ASAP2: variants seen among roughly 807,000 people sequenced by gnomAD.
The protein encoded by ASAP2 is ArfGAP with SH3 domain, ankyrin repeat and PH domain 2.
A neutral mutation model predicts 131.4 loss-of-function variants in ASAP2; 45 were observed. That is an observed-to-expected ratio of 0.34 (90% CI 0.27 to 0.44). The LOEUF is 0.44. Among genes scored for constraint, ASAP2 ranks in the 20% least tolerant of loss-of-function variants. The pLI, the probability that ASAP2 is intolerant of heterozygous loss-of-function variation, is 1.00. For missense variants in ASAP2, 1,011 were observed against 1,297.0 expected (o/e 0.78, Z 3.39); for synonymous variants, 510 against 503.0 (o/e 1.01, Z -0.19).
intron 20 of ASAP2, 72 bp from the exon 21 acceptor site, chr2:9,385,173 C>T (rs1675172528): frequency 8.2e-7 from 1 of 1,216,632 alleles, no homozygotes; most frequent in Non-Finnish European, 1.2e-6. Context: ...CTCCTGCCTG[C>T]ACACTTCAGT....
chr2:9,237,178 A>T lies in ASAP2; in HGVS notation c.126+29948A>T, dbSNP rs568586571. Reference sequence around the variant, plus strand: ...GAAGCTTTTTTAAAAAAAGAGAGTTAAAAAAAAAAGCCCTGTTTTGTACAC... The same window carrying T: ...GAAGCTTTTTTAAAAAAAGAGAGTTTAAAAAAAAAGCCCTGTTTTGTACAC... On this transcript the variant is annotated intron_variant, in intron 1 of 27. Transcript: ENST00000281419. Among the ~76,000 whole-genome samples, 80 of 138,828 alleles carry T rather than the reference A, an allele frequency of 5.8e-4. No individual in the cohort carries two copies. The South Asian group carries it at 0.017, about 30-fold the overall frequency. The allele number at this position is 138,828 out of a possible 152,430, so 91.1% of individuals were successfully genotyped here.
chr2:9,231,214 ACTCC>A (rs1663137325), intron 1 of ASAP2, among the ~76,000 whole-genome samples: 1 of 151,756 alleles, frequency 6.6e-6, no homozygotes, highest in South Asian at 2.1e-4. Flanking sequence ...CTTTCCCTTC[ACTCC>A]CTCCTGTAGC....
chr2:9,291,546 G>A (rs539295335), intron 2 of ASAP2, among the ~76,000 whole-genome samples: 30 of 152,290 alleles, frequency 2.0e-4, no homozygotes, highest in Admixed American at 8.5e-4. Context: ...CATTCGTGTC[G>A]TGACACACAT....
chr2:9,236,135 G>A (rs1036116899), intron 1 of ASAP2, among the ~76,000 whole-genome samples: 4 of 152,060 alleles, frequency 2.6e-5, no homozygotes, highest in African/African-American at 9.7e-5. Context: ...TGGAGGGCCG[G>A]TCAGGGAGGG....
In ASAP2 at chr2:9,232,406, C is replaced by T. The variant is rs1663234524; in HGVS notation, c.126+25176C>T. Among the ~76,000 whole-genome samples the T allele has an allele frequency of 6.6e-6, 1 of 152,214 alleles. No homozygotes were observed. Among genetic ancestry groups the T allele is most frequent in the Non-Finnish European group, 1.5e-5 (1 of 68,048 alleles). ...CCCTCCTCTGCTGGCTTTGTGCCCCCGTACCCCTTTCGCAGCTGACTGTCC... is the reference window on the plus strand; with the variant it reads ...CCCTCCTCTGCTGGCTTTGTGCCCCTGTACCCCTTTCGCAGCTGACTGTCC... On this transcript the variant is annotated intron_variant, in intron 1 of 27. Transcript: ENST00000281419. The surrounding 1 kb of genome is among the most constrained non-coding windows in gnomAD (Gnocchi z 4.1).
In ASAP2 at chr2:9,312,210, C is replaced by G. The variant is rs1436368272; in HGVS notation, c.346-6314C>G. 3.3e-5 allele frequency among the ~76,000 whole-genome samples: 5 copies of G among 152,216 alleles called. No homozygotes were observed. The East Asian group carries it at 9.6e-4, about 29-fold the overall frequency. The stretch of plus-strand genomic sequence containing the variant: ...TCTTCCCCTTTGCTCCAGGCAACCA[C>G]TGATCTACTTTTCAATCTCTATTAT... On this transcript the variant is annotated intron_variant, in intron 3 of 27. Coordinates refer to ENST00000281419, the MANE Select transcript of ASAP2 (RefSeq NM_003887.3).
chr2:9,379,178 A>C, intron 19 of ASAP2, 119 bp downstream of exon 19: 1 of 573,906 alleles, frequency 1.7e-6, no homozygotes, highest in Non-Finnish European at 2.8e-6. Flanking sequence ...GTTAGTGCCA[A>C]AGAGAAGGAG....
intron 1 of ASAP2, among the ~76,000 whole-genome samples, chr2:9,225,506 T>C (rs1160085525): frequency 6.6e-6 from 1 of 152,216 alleles, no homozygotes; most frequent in Non-Finnish European, 1.5e-5. Flanking sequence ...GTCCCGATTT[T>C]ACCTCTGAGG....
intron 16 of ASAP2, among the ~76,000 whole-genome samples, 175 bp downstream of exon 16, chr2:9,368,694 AT>A (rs1233312253): frequency 2.0e-5 from 3 of 151,958 alleles, no homozygotes; most frequent in Non-Finnish European, 4.4e-5. Context: ...CCAAATAGAA[AT>A]TTTTTTAGGA....
intron 2 of ASAP2, among the ~76,000 whole-genome samples, chr2:9,290,393 A>G (rs1572364813): frequency 1.3e-5 from 2 of 152,078 alleles, no homozygotes; most frequent in African/African-American, 4.8e-5. Context: ...TATTTTTATT[A>G]AAGATTGGGT....
intron 6 of ASAP2, among the ~76,000 whole-genome samples, chr2:9,326,948 C>T (rs796300998): frequency 9.9e-5 from 15 of 152,152 alleles, no homozygotes; most frequent in East Asian, 3.9e-4. Flanking sequence ...AATGTACATA[C>T]GTTTAAAAAT....
At chr2:9,365,471 G>A (rs1673399765) in intron 15 of ASAP2, among the ~76,000 whole-genome samples, 1 of 152,208 alleles carries the variant, frequency 6.6e-6, no homozygotes. Flanking sequence ...ATGAAAACAG[G>A]ACAGGAGGTT....
At chr2:9,310,993 C>T (rs1184414529) in intron 3 of ASAP2, among the ~76,000 whole-genome samples, 1 of 152,080 alleles carries the variant, frequency 6.6e-6, no homozygotes, top group Non-Finnish European at 1.5e-5. Context: ...TGTGAGATCA[C>T]AGACCTTTGA....
chr2:9,305,860 T>G (rs1317868406), intron 3 of ASAP2, among the ~76,000 whole-genome samples: 22 of 123,754 alleles, frequency 1.8e-4, no homozygotes, highest in African/African-American at 3.8e-4. Context: ...GATATTGGTG[T>G]AGAGGCTGTA....
chr2:9,376,889 C>T lies in ASAP2; in HGVS notation c.1747-19C>T, dbSNP rs1230164375. ...ATGCTCCCATTAGAATTCTGGAATG[C>T]CTTTGTTTGGTTTTTCAGGAGCCGG... is the stretch of plus-strand genomic sequence containing the variant. On this transcript the variant is annotated intron_variant, in intron 17 of 27. Transcript: ENST00000281419. The T allele has an allele frequency of 3.7e-6, 6 of 1,611,340 alleles. No individual in the cohort carries two copies. The African/African-American group carries it at 4.0e-5, about 11-fold the overall frequency.
At chr2:9,307,532 T>C (rs28590379) in intron 3 of ASAP2, among the ~76,000 whole-genome samples, 9,010 of 152,318 alleles carry the variant, frequency 0.059, 677 homozygotes, top group African/African-American at 0.17. Context: ...TCTCCAGTGC[T>C]GCCCTCCGGC....
At position 9,356,284 on chromosome 2, in the gene ASAP2, G is replaced by A; in HGVS notation, c.1266G>A (p.Glu422=). 1 of 1,613,936 alleles carries A rather than the reference G, an allele frequency of 6.2e-7. No homozygotes were observed. The highest frequency in any genetic ancestry group is 8.5e-7 in the Non-Finnish European group (1 of 1,179,908). Residue 422 remains glutamate, a synonymous_variant, in exon 14 of 28, where the codon GAG becomes GAA. Transcript: ENST00000281419. ...ACATCGTCCAAGAACTGACAAAGGAGATCATCTCAGAAGTGCAGAGGATGA... is the reference window on the plus strand; with the variant it reads ...ACATCGTCCAAGAACTGACAAAGGAAATCATCTCAGAAGTGCAGAGGATGA... The part of the protein sequence containing the change: ...ENNIVQELTK[E]IISEVQRMTG...
chr2:9,232,634 G>A lies in ASAP2; in HGVS notation c.126+25404G>A, dbSNP rs138775716. ...GGATTTTTGACTCTTACTTAGTGAT[G>A]CATCCTCAGCACCCAGAATTGCACT... On this transcript the variant is annotated intron_variant, in intron 1 of 27. Transcript: ENST00000281419. The surrounding 1 kb of genome is among the most constrained non-coding windows in gnomAD (Gnocchi z 4.1). Among the ~76,000 whole-genome samples the A allele has an allele frequency of 1.5e-3, 234 of 152,232 alleles. 2 individuals carry two copies. The highest frequency in any genetic ancestry group is 5.2e-3 in the African/African-American group (217 of 41,520).
chr2:9,260,410 G>A (rs1476631151), intron 1 of ASAP2, among the ~76,000 whole-genome samples: 1 of 139,354 alleles, frequency 7.2e-6, no homozygotes, highest in African/African-American at 2.8e-5. Flanking sequence ...CTCACTGCTT[G>A]GATTGTAGAA....
Sources: gnomAD v4.1 joint callset for allele counts (sites outside exome capture counted in the v4.1 genomes callset) on GRCh38, gnomAD v4.1.1 for gene constraint, Gnocchi (gnomAD v3.1) non-coding constraint, MANE v1.5 for transcripts, NCBI Gene and HGNC (gene_info 2026-07-23, HGNC 2026-07-21) for gene names.